Variants in TAS2R1 observed in about 807,000 individuals in gnomAD.
The protein encoded by TAS2R1 is taste receptor type 2 member 1.
For missense variants in TAS2R1, 370 were observed against 353.4 expected, an observed-to-expected ratio of 1.05 and a Z score of -0.38; for synonymous variants, 141 against 134.2, an observed-to-expected ratio of 1.05 and a Z score of -0.35.
the TAS2R1 span, among the ~76,000 whole-genome samples, chr5:9,781,803 T>C: frequency 1.3e-5 from 2 of 152,190 alleles, no homozygotes; most frequent in Non-Finnish European, 2.9e-5. Flanking sequence ...CAAGGCCCCC[T>C]GCATGTGCCA....
At chr5:9,741,386 C>T in the TAS2R1 span, among the ~76,000 whole-genome samples, 1 of 152,134 alleles carries the variant, frequency 6.6e-6, no homozygotes, top group Non-Finnish European at 1.5e-5. Flanking sequence ...TTTTCCATGC[C>T]AAGACATTTT....
chr5:9,857,640 T>C, the TAS2R1 span, among the ~76,000 whole-genome samples: 2 of 152,252 alleles, frequency 1.3e-5, no homozygotes, highest in African/African-American at 4.8e-5. Flanking sequence ...AGGAAGTTTG[T>C]ATATCTCCAT....
chr5:9,651,674 G>A (rs1044650347), intron 2 of TAS2R1, among the ~76,000 whole-genome samples: 15 of 152,210 alleles, frequency 9.9e-5, no homozygotes, highest in African/African-American at 3.1e-4. Context: ...TCATTTGAGT[G>A]AGTGCAGCTC....
chr5:9,667,068 T>C (rs557474008), intron 1 of TAS2R1, among the ~76,000 whole-genome samples: 1 of 152,356 alleles, frequency 6.6e-6, no homozygotes, highest in South Asian at 2.1e-4. Context: ...ATATTTTTTA[T>C]TGACTTCTTG....
chr5:9,837,688 C>T, the TAS2R1 span, among the ~76,000 whole-genome samples: 1 of 152,174 alleles, frequency 6.6e-6, no homozygotes, highest in African/African-American at 2.4e-5. Context: ...ACTGGAAACA[C>T]CTTCTTCATT....
At chr5:9,831,986 A>G in the TAS2R1 span, among the ~76,000 whole-genome samples, 1 of 152,220 alleles carries the variant, frequency 6.6e-6, no homozygotes, top group African/African-American at 2.4e-5. Context: ...GAGAGGAATG[A>G]CGTGCGCTTC....
intron 1 of TAS2R1, among the ~76,000 whole-genome samples, chr5:9,698,458 G>A (rs1170184737): frequency 6.6e-6 from 1 of 152,096 alleles, no homozygotes; most frequent in Admixed American, 6.5e-5. Flanking sequence ...CAAAATTCCT[G>A]AGCGATATTT....
At chr5:9,729,534 G>A in the TAS2R1 span, among the ~76,000 whole-genome samples, 4 of 152,062 alleles carry the variant, frequency 2.6e-5, no homozygotes, top group African/African-American at 9.7e-5. Context: ...CCAGAATTGT[G>A]TTTGGCAAGC....
rs191458442 is a variant in TAS2R1 at position 9,691,376 on chromosome 5, T to C, written c.-242+20796A>G. 7.5e-4 allele frequency among the ~76,000 whole-genome samples: 114 copies of C among 152,370 alleles called. 3 individuals are homozygous for C. In the Middle Eastern group the frequency reaches 0.014, roughly 18 times the overall value. ...CGCTGGCACCTTCATTTCGGACTTC[T>C]GGCCTCCAGAACTGTGAGAGTATAA... On this transcript the variant is annotated intron_variant, in intron 1 of 2. Transcript: ENST00000506620.
chr5:9,864,929 A>G, the TAS2R1 span, among the ~76,000 whole-genome samples: 26 of 152,142 alleles, frequency 1.7e-4, no homozygotes. Context: ...GGCTGTGATC[A>G]CAAGGCCACC....
the TAS2R1 span, among the ~76,000 whole-genome samples, chr5:9,862,378 G>T: frequency 6.6e-6 from 1 of 152,044 alleles, no homozygotes; most frequent in Admixed American, 6.6e-5. Context: ...TTAGTTTGTG[G>T]GCAACCTGTT....
At chr5:9,857,925 A>C in the TAS2R1 span, among the ~76,000 whole-genome samples, 1 of 151,978 alleles carries the variant, frequency 6.6e-6, no homozygotes, top group Non-Finnish European at 1.5e-5. Context: ...TCAGCAGGTG[A>C]GCAGACCCTG....
chr5:9,730,958 T>C, the TAS2R1 span, among the ~76,000 whole-genome samples: 1 of 152,182 alleles, frequency 6.6e-6, no homozygotes, highest in Non-Finnish European at 1.5e-5. Context: ...TCATGGAACT[T>C]TGAGTCTGTT....
the TAS2R1 span, among the ~76,000 whole-genome samples, chr5:9,768,547 A>C: frequency 6.6e-6 from 1 of 152,244 alleles, no homozygotes; most frequent in Admixed American, 6.5e-5. Flanking sequence ...CACCAGTCTC[A>C]GCCACTGCAT....
chr5:9,718,360 C>T, the TAS2R1 span, among the ~76,000 whole-genome samples: 2 of 152,096 alleles, frequency 1.3e-5, no homozygotes, highest in African/African-American at 4.8e-5. Flanking sequence ...GTACAAGGCA[C>T]TTTGCAAAAT....
chr5:9,752,538 A>G, the TAS2R1 span, among the ~76,000 whole-genome samples: 1 of 149,876 alleles, frequency 6.7e-6, no homozygotes, highest in Non-Finnish European at 1.5e-5. Context: ...CCACTTACGA[A>G]TTCTTAGCAA....
At chr5:9,719,474 T>C in the TAS2R1 span, among the ~76,000 whole-genome samples, 1 of 152,242 alleles carries the variant, frequency 6.6e-6, no homozygotes, top group African/African-American at 2.4e-5. Context: ...TGCAATTCAC[T>C]GTTACCAAGC....
upstream of TAS2R1, among the ~76,000 whole-genome samples, chr5:9,716,081 G>A (rs1207367851): frequency 2.6e-5 from 4 of 152,182 alleles, no homozygotes; most frequent in African/African-American, 9.6e-5. Context: ...TATCACATTG[G>A]CTTCAATACA....
the TAS2R1 span, among the ~76,000 whole-genome samples, chr5:9,728,904 C>G: frequency 6.6e-6 from 1 of 152,188 alleles, no homozygotes; most frequent in African/African-American, 2.4e-5. Flanking sequence ...AGGATAGGCT[C>G]TCTTGTTCAG....
Sources: gnomAD v4.1 joint callset for allele counts (sites outside exome capture counted in the v4.1 genomes callset) on GRCh38, gnomAD v4.1.1 for gene constraint, MANE v1.5 for transcripts, NCBI Gene and HGNC (gene_info 2026-07-23, HGNC 2026-07-21) for gene names.